The following CSMD1 variants were observed in gnomAD, a reference collection of about 807,000 sequenced individuals.
The protein encoded by CSMD1 is CUB and sushi domain-containing protein 1.
Under a neutral mutation model 417.5 loss-of-function variants are expected in CSMD1, and 213 were observed. The ratio of observed to expected loss-of-function variants is 0.51; its 90% CI spans 0.46 to 0.57. The LOEUF (loss-of-function observed/expected upper bound fraction) is 0.57. Among genes scored for constraint, CSMD1 ranks in the 20% least tolerant of loss-of-function variants. The pLI, the probability that CSMD1 is intolerant of heterozygous loss-of-function variation, is 0.00. For missense variants in CSMD1, 6,923 were observed against 4,529.7 expected (o/e 1.53, Z -15.17); for synonymous variants, 2,862 against 1,736.8 (o/e 1.65, Z -16.11).
intron 1 of CSMD1, among the ~76,000 whole-genome samples, chr8:4,821,493 A>G (rs1799521876): frequency 6.6e-6 from 1 of 152,182 alleles, no homozygotes; most frequent in South Asian, 2.1e-4. Context: ...CTCATATTTC[A>G]TGCACATTCT....
At chr8:4,770,259 A>G (rs1796533203) in intron 1 of CSMD1, among the ~76,000 whole-genome samples, 1 of 148,292 alleles carries the variant, frequency 6.7e-6, no homozygotes, top group Admixed American at 6.8e-5. Context: ...TCCTAATTAC[A>G]TATAAAATTT....
rs115937845 is a variant in CSMD1 at position 4,100,953 on chromosome 8, C to T, written c.416-68854G>A. Among the ~76,000 whole-genome samples the T allele has an allele frequency of 5.2e-3, 790 of 152,282 alleles. 6 individuals are homozygous for T. The highest frequency in any genetic ancestry group is 0.018 in the African/African-American group (755 of 41,548). On this transcript the variant is annotated intron_variant, in intron 3 of 69. Coordinates refer to ENST00000635120, the MANE Select transcript of CSMD1 (RefSeq NM_033225.6). The stretch of plus-strand genomic sequence containing the variant: ...AAATGCTAAGAACCCAGAGTATTGT[C>T]TGTAATCACTCCATCAGCACAATAC...
chr8:4,524,499 AT>A (rs1314431879), intron 2 of CSMD1, among the ~76,000 whole-genome samples: 17 of 150,600 alleles, frequency 1.1e-4, no homozygotes, highest in Non-Finnish European at 2.5e-4. Context: ...CCCACGGGAT[AT>A]GTGATGGGAA....
At chr8:3,475,833 T>C (rs1273515460) in intron 11 of CSMD1, among the ~76,000 whole-genome samples, 3 of 152,252 alleles carry the variant, frequency 2.0e-5, no homozygotes, top group African/African-American at 7.2e-5. Flanking sequence ...ACTTTGTGAG[T>C]ACCTTTAACT....
intron 3 of CSMD1, among the ~76,000 whole-genome samples, chr8:4,073,843 G>A (rs946984532): frequency 2.0e-5 from 3 of 151,968 alleles, no homozygotes; most frequent in African/African-American, 7.2e-5. Flanking sequence ...TAATAGTTGG[G>A]TTTAAAACAG....
At chr8:3,138,853 T>C (rs1320961971) in intron 41 of CSMD1, among the ~76,000 whole-genome samples, 1 of 152,186 alleles carries the variant, frequency 6.6e-6, no homozygotes, top group African/African-American at 2.4e-5. Context: ...CCTGAAAATC[T>C]AAGAAAGCAT....
At position 3,211,320 on chromosome 8, in the gene CSMD1, C is replaced by T. The variant is rs1410856951; in HGVS notation, c.4867+3177G>A. 3.3e-5 allele frequency among the ~76,000 whole-genome samples: 5 copies of T among 152,326 alleles called. No individual in the cohort carries two copies. The East Asian group carries it at 9.6e-4, about 29-fold the overall frequency. On this transcript the variant is annotated intron_variant, in intron 30 of 69. Transcript: ENST00000635120. ...TTAGTCTCTCAAAGTGCTGAGATTA[C>T]AGGCATGAGCAGCTTTGTCTGGTCT...
At chr8:4,133,399 C>T (rs1319452108) in intron 3 of CSMD1, among the ~76,000 whole-genome samples, 1 of 152,214 alleles carries the variant, frequency 6.6e-6, no homozygotes, top group Non-Finnish European at 1.5e-5. Flanking sequence ...TATACCTTCA[C>T]ACCTCTGTGA....
chr8:4,819,372 G>A (rs1402237567), intron 1 of CSMD1, among the ~76,000 whole-genome samples: 1 of 152,068 alleles, frequency 6.6e-6, no homozygotes, highest in Non-Finnish European at 1.5e-5. Context: ...CATGGAAATA[G>A]GCCTCTCAAA....
At chr8:4,331,431 T>G (rs1204887170) in intron 3 of CSMD1, among the ~76,000 whole-genome samples, 1 of 152,200 alleles carries the variant, frequency 6.6e-6, no homozygotes, top group Non-Finnish European at 1.5e-5. Context: ...GATTTAAAAA[T>G]ACATCCTGGT....
rs1814956076 is a variant in CSMD1, at chr8:3,091,636, C to G, written c.7165G>C (p.Val2389Leu). 6 of 1,610,880 alleles carry G rather than the reference C, an allele frequency of 3.7e-6. No individual in the cohort carries two copies. Among genetic ancestry groups the G allele is most frequent in the Non-Finnish European group, 5.1e-6 (6 of 1,179,324 alleles). ...TCAGTATGATTCCCACTTAAGACTA[C>G]TAGCAGAGGACTTTGCCCAGAAGAA... is the stretch of plus-strand genomic sequence containing the variant. ...DGSSGQSPLL[V>L]VLSGNHTEQS... Residue 2389 changes from valine (V) to leucine (L), a missense_variant, in exon 48 of 70, where the codon GTA becomes CTA. By Grantham distance (32) the Val-to-Leu change is conservative. Transcript: ENST00000635120.
chr8:3,603,622 C>T (rs536577320), intron 8 of CSMD1, among the ~76,000 whole-genome samples: 1 of 152,076 alleles, frequency 6.6e-6, no homozygotes, highest in African/African-American at 2.4e-5. Context: ...GGAATGGAAA[C>T]GGATTATGTC....
intron 2 of CSMD1, among the ~76,000 whole-genome samples, chr8:4,511,199 T>C (rs906083163): frequency 2.0e-5 from 3 of 152,256 alleles, no homozygotes; most frequent in East Asian, 1.9e-4. Context: ...CATCAGTCCA[T>C]GTACAGATCC....
At chr8:4,026,003 G>A (rs17402856) in intron 4 of CSMD1, among the ~76,000 whole-genome samples, 9,257 of 126,698 alleles carry the variant, frequency 0.073, 385 homozygotes, top group Non-Finnish European at 0.11. Flanking sequence ...CTACTGTTAG[G>A]AACTCTATAA....
intron 5 of CSMD1, among the ~76,000 whole-genome samples, chr8:3,861,525 T>G (rs1354834540): frequency 6.6e-6 from 1 of 152,160 alleles, no homozygotes; most frequent in East Asian, 1.9e-4. Flanking sequence ...TGATGCCTCT[T>G]GGGAGAATTC....
intron 5 of CSMD1, among the ~76,000 whole-genome samples, chr8:3,891,428 C>T (rs886331864): frequency 2.0e-5 from 3 of 152,032 alleles, no homozygotes; most frequent in Non-Finnish European, 4.4e-5. Flanking sequence ...GCCTACAAAC[C>T]CAGAACTTTG....
chr8:3,466,460 A>C (rs1302780402), intron 12 of CSMD1, among the ~76,000 whole-genome samples: 1 of 151,794 alleles, frequency 6.6e-6, no homozygotes, highest in Non-Finnish European at 1.5e-5. Flanking sequence ...CCTAGGCTGG[A>C]GTGCAGTGGC....
chr8:3,533,386 C>G (rs1208205109), intron 10 of CSMD1, among the ~76,000 whole-genome samples: 2 of 152,162 alleles, frequency 1.3e-5, no homozygotes, highest in Non-Finnish European at 2.9e-5. Flanking sequence ...TGAACAGTGA[C>G]TCCTCATTTC....
chr8:4,606,193 C>G (rs1800858481), intron 2 of CSMD1, among the ~76,000 whole-genome samples: 2 of 152,188 alleles, frequency 1.3e-5, no homozygotes. Flanking sequence ...CACTGCACTC[C>G]ACTCAGCACG....
Sources: gnomAD v4.1 joint callset for allele counts (sites outside exome capture counted in the v4.1 genomes callset) on GRCh38, gnomAD v4.1.1 for gene constraint, MANE v1.5 for transcripts, NCBI Gene and HGNC (gene_info 2026-07-23, HGNC 2026-07-21) for gene names.